The following NUDT16 variants were observed in gnomAD, a reference collection of about 807,000 sequenced individuals.
NUDT16 encodes U8 snoRNA-decapping enzyme.
In NUDT16, 12 loss-of-function variants were observed where a neutral mutation model predicts 11.7. That is an observed-to-expected ratio of 1.03 (90% confidence interval 0.66 to 1.67). NUDT16 has a LOEUF of 1.67. Among genes scored for constraint, NUDT16 ranks in the 40% most tolerant of loss-of-function variants. The probability of loss-of-function intolerance (pLI) is 0.00; values close to 1 mark genes in which losing one functional copy is unlikely to be tolerated. For missense variants in NUDT16, 303 were observed against 268.9 expected (o/e 1.13, Z -0.89); for synonymous variants, 129 against 122.6 (o/e 1.05, Z -0.35).
chr3:131,384,516 T>C lies in NUDT16; in HGVS notation c.*1175T>C, dbSNP rs1179576822. The C allele has an allele frequency of 6.6e-6, 1 of 152,080 alleles. No homozygotes were observed. The highest frequency in any genetic ancestry group is 1.5e-5 in the Non-Finnish European group (1 of 68,060). 9.4% of individuals were successfully genotyped at this position (152,080 alleles called of 1,614,324 possible). On this transcript the variant is annotated 3_prime_UTR_variant, in exon 3 of 3. Coordinates refer to ENST00000521288, the MANE Select transcript of NUDT16 (RefSeq NM_152395.3). The stretch of plus-strand genomic sequence containing the variant: ...TAAGATGGGAGGTAGAGCATGCCAA[T>C]ATTGATGGCAACAGTCAAGATGGTG...
At position 131,387,675 on chromosome 3, in the gene NUDT16, C is replaced by T. The variant is rs1184686022; in HGVS notation, c.*4334C>T. On this transcript the variant is annotated 3_prime_UTR_variant, in exon 3 of 3. Coordinates refer to ENST00000521288, the MANE Select transcript of NUDT16 (RefSeq NM_152395.3). ...GGTTTTCAACAAGTATAGAAAGCTCCTGGACTCAGCCAAGACCCTCACCTA... is the reference window on the plus strand; with the variant it reads ...GGTTTTCAACAAGTATAGAAAGCTCTTGGACTCAGCCAAGACCCTCACCTA... 1 of 152,334 alleles carries T rather than the reference C, an allele frequency of 6.6e-6. No homozygotes were observed. 9.4% of individuals were successfully genotyped at this position (152,334 alleles called of 1,614,324 possible).
At chr3:131,382,748 G>A in intron 2 of NUDT16, 1 of 1,348,536 alleles carries the variant, frequency 7.4e-7, no homozygotes, top group Non-Finnish European at 9.6e-7. Context: ...AGAATCATCG[G>A]GGCGTCTTAT....
chr3:131,383,238 C>A lies in NUDT16; in HGVS notation c.485C>A (p.Ser162Tyr). The A allele has an allele frequency of 6.2e-7, 1 of 1,614,100 alleles. No homozygotes were observed. Among genetic ancestry groups the A allele is most frequent in the South Asian group, 1.1e-5 (1 of 91,074 alleles). The change falls in exon 3 of 3, where the codon TCC (serine) becomes TAC (tyrosine). Residue 162 changes from serine (S) to tyrosine (Y), a missense_variant. Transcript: ENST00000521288. The surrounding 1 kb of genome is among the most constrained non-coding windows in gnomAD (Gnocchi z 4.4). ...GGCCTGCCTACCTTCCTGGAGAATTCCTTTATTGGCTCTGCGCGGGAGCAG... is the reference window on the plus strand; with the variant it reads ...GGCCTGCCTACCTTCCTGGAGAATTACTTTATTGGCTCTGCGCGGGAGCAG... ...VGGLPTFLEN[S>Y]FIGSAREQLL... is the part of the protein sequence containing the mutation.
In NUDT16 at chr3:131,383,606, AC is replaced by A; in HGVS notation, c.*270del. 1.6e-6 allele frequency: 1 copy of A among 632,808 alleles called. No individual in the cohort carries two copies. The highest frequency in any genetic ancestry group is 2.7e-6 in the Non-Finnish European group (1 of 367,726). The allele number at this position is 632,808 out of a possible 1,614,324, so 39.2% of individuals were successfully genotyped here. A position where few individuals can be genotyped will look rare whatever the true frequency, so the allele number is the denominator to read the frequency against. On this transcript the variant is annotated 3_prime_UTR_variant, in exon 3 of 3. Coordinates refer to ENST00000521288, the MANE Select transcript of NUDT16 (RefSeq NM_152395.3). The surrounding 1 kb of genome is among the most constrained non-coding windows in gnomAD (Gnocchi z 4.4). ...CTGTTTATATGCGTACAGCCTGGTA[AC>A]CCCCAGGCATGCAAATATACAATCT... is the stretch of plus-strand genomic sequence containing the variant.
chr3:131,383,271 A>G lies in NUDT16; in HGVS notation c.518A>G (p.Glu173Gly). 6.2e-7 allele frequency: 1 copy of G among 1,614,092 alleles called. No individual in the cohort carries two copies. The highest frequency in any genetic ancestry group is 8.5e-7 in the Non-Finnish European group (1 of 1,179,992). ...FIGSAREQLL[E>G]ALQDLGLLQS... ...GGCTCTGCGCGGGAGCAGTTACTTG[A>G]AGCTCTCCAGGACTTGGGACTGCTG... Residue 173 changes from glutamate to glycine, a missense_variant, in exon 3 of 3, where the codon GAA (glutamate) becomes GGA (glycine). Coordinates refer to ENST00000521288, the MANE Select transcript of NUDT16 (RefSeq NM_152395.3). The surrounding 1 kb of genome is among the most constrained non-coding windows in gnomAD (Gnocchi z 4.4).
chr3:131,387,979 C>T lies in NUDT16; in HGVS notation c.*4638C>T, dbSNP rs13073793. Reference sequence around the variant, plus strand: ...AAGACCATGCTCTGGAAGATTCATTCCAAGGAGTAGAAGTGGTATTTACTC... The same window carrying T: ...AAGACCATGCTCTGGAAGATTCATTTCAAGGAGTAGAAGTGGTATTTACTC... On this transcript the variant is annotated 3_prime_UTR_variant, in exon 3 of 3. Transcript: ENST00000521288. The T allele has an allele frequency of 0.026, 3,982 of 152,192 alleles. 83 individuals are homozygous for T. The highest frequency in any genetic ancestry group is 0.054 in the Middle Eastern group (16 of 294). The allele number at this position is 152,192 out of a possible 1,614,324, so 9.4% of individuals were successfully genotyped here.
At position 131,382,184 on chromosome 3, in the gene NUDT16, A is replaced by C. The variant is rs2097456002; in HGVS notation, c.277A>C (p.Thr93Pro). 6.2e-7 allele frequency: 1 copy of C among 1,612,334 alleles called. No individual in the cohort carries two copies. Among genetic ancestry groups the C allele is most frequent in the Non-Finnish European group, 8.5e-7 (1 of 1,179,536 alleles). ...GGCTGCCGCTTTCCGCGTGGAGCGC[A>C]CTGACTACCGCAGCTCCCACGTCGG... The part of the protein sequence containing the change: ...EAAAAFRVER[T>P]DYRSSHVGSG... Residue 93 changes from threonine (T) to proline (P), a missense_variant, in exon 2 of 3, where the codon ACT (threonine) becomes CCT (proline). Transcript: ENST00000521288.
chr3:131,382,580 T>C lies in NUDT16; in HGVS notation c.408+265T>C, dbSNP rs1370095098. On this transcript the variant is annotated intron_variant, in intron 2 of 2. Coordinates refer to ENST00000521288, the MANE Select transcript of NUDT16 (RefSeq NM_152395.3). Reference sequence around the variant, plus strand: ...ATCCATGTCTCTCTGCTGTTCCCTATTGACAGTGTGATAGATTATCACATT... The same window carrying C: ...ATCCATGTCTCTCTGCTGTTCCCTACTGACAGTGTGATAGATTATCACATT... 3.9e-6 allele frequency: 6 copies of C among 1,528,956 alleles called. No individual in the cohort carries two copies. In the South Asian group the frequency reaches 7.2e-5, roughly 18 times the overall value. 94.7% of individuals were successfully genotyped at this position (1,528,956 alleles called of 1,614,324 possible).
At position 131,382,205 on chromosome 3, in the gene NUDT16, G is replaced by A. The variant is rs749378744; in HGVS notation, c.298G>A (p.Val100Ile). ...GCGCACTGACTACCGCAGCTCCCAC[G>A]TCGGGTCAGGGCCACGCGTTGTGGC... ...VERTDYRSSH[V>I]GSGPRVVAHF... is the part of the protein sequence containing the mutation. The change falls in exon 2 of 3, where the codon GTC (valine) becomes ATC (isoleucine). Residue 100 changes from valine (V) to isoleucine (I), a missense_variant. Transcript: ENST00000521288. 1.2e-6 allele frequency: 2 copies of A among 1,611,024 alleles called. No individual in the cohort carries two copies. Among genetic ancestry groups the A allele is most frequent in the African/African-American group, 2.7e-5 (2 of 74,896 alleles).
rs2097460309 is a variant in NUDT16 at position 131,386,986 on chromosome 3, C to A, written c.*3645C>A. 1 of 152,222 alleles carries A rather than the reference C, an allele frequency of 6.6e-6. No homozygotes were observed. Among genetic ancestry groups the A allele is most frequent in the Non-Finnish European group, 1.5e-5 (1 of 68,036 alleles). The allele number at this position is 152,222 out of a possible 1,614,324, so 9.4% of individuals were successfully genotyped here. On this transcript the variant is annotated 3_prime_UTR_variant, in exon 3 of 3. Transcript: ENST00000521288. Reference sequence around the variant, plus strand: ...GAAACCTTTATCTCCAATAGAATCACAAACGGGTGTCAGAGAGTCAAAACT... The same window carrying A: ...GAAACCTTTATCTCCAATAGAATCAAAAACGGGTGTCAGAGAGTCAAAACT...
Position 131,387,478 on chromosome 3 carries a change from G to C in NUDT16, c.*4137G>C, listed in dbSNP as rs1219927074. ...CTCACCAACAGCTCCCAGATGGAGG[G>C]AGTTTGTGTGTCTAGCATTTTCACC... On this transcript the variant is annotated 3_prime_UTR_variant, in exon 3 of 3. Transcript: ENST00000521288. The C allele has an allele frequency of 6.6e-6, 1 of 152,274 alleles. No homozygotes were observed. Among genetic ancestry groups the C allele is most frequent in the Non-Finnish European group, 1.5e-5 (1 of 68,078 alleles). The allele number at this position is 152,274 out of a possible 1,614,324, so 9.4% of individuals were successfully genotyped here.
Position 131,382,049 on chromosome 3 carries a change from C to A in NUDT16, c.142C>A (p.Gln48Lys). 6.3e-7 allele frequency: 1 copy of A among 1,581,592 alleles called. No individual in the cohort carries two copies. The highest frequency in any genetic ancestry group is 1.8e-5 in the Admixed American group (1 of 56,270). Residue 48 changes from glutamine (Q) to lysine (K), a missense_variant, in exon 2 of 3, where the codon CAG (glutamine) becomes AAG (lysine). By Grantham distance (53) the Gln-to-Lys change is moderately conservative. Coordinates refer to ENST00000521288, the MANE Select transcript of NUDT16 (RefSeq NM_152395.3). Reference protein sequence around the residue: ...RIPLRYAILMQMRFDGRLGFP... With the variant: ...RIPLRYAILMKMRFDGRLGFP... ...TCCCCGCTTCCCCCTCCCGCAGATG[C>A]AGATGCGCTTCGATGGACGCCTGGG...
chr3:131,382,534 G>A, intron 2 of NUDT16: 2 of 1,536,062 alleles, frequency 1.3e-6, no homozygotes, highest in African/African-American at 1.4e-5. Context: ...TACCAGGAGA[G>A]ATCCTTTCTA....
chr3:131,388,383 C>CAA lies in NUDT16; in HGVS notation c.*5043_*5044dup. 6.6e-6 allele frequency: 1 copy of CAA among 152,180 alleles called. No individual in the cohort carries two copies. The highest frequency in any genetic ancestry group is 1.5e-5 in the Non-Finnish European group (1 of 68,032). The allele number at this position is 152,180 out of a possible 1,614,324, so 9.4% of individuals were successfully genotyped here. Reference sequence around the variant, plus strand: ...AACAGGACAAAAACTTCCCTAAACTCAAGATACTACACCAGAAGTGGGCAG... The same window carrying CAA: ...AACAGGACAAAAACTTCCCTAAACTCAAAAGATACTACACCAGAAGTGGGCAG... On this transcript the variant is annotated 3_prime_UTR_variant, in exon 3 of 3. Transcript: ENST00000521288.
Position 131,387,005 on chromosome 3 carries a change from C to T in NUDT16, c.*3664C>T, listed in dbSNP as rs1415274300. On this transcript the variant is annotated 3_prime_UTR_variant, in exon 3 of 3. Coordinates refer to ENST00000521288, the MANE Select transcript of NUDT16 (RefSeq NM_152395.3). The stretch of plus-strand genomic sequence containing the variant: ...GAATCACAAACGGGTGTCAGAGAGT[C>T]AAAACTAGAGGAAAAAGTTTAGTCT... 1 of 152,110 alleles carries T rather than the reference C, an allele frequency of 6.6e-6. No individual in the cohort carries two copies. The highest frequency in any genetic ancestry group is 1.5e-5 in the Non-Finnish European group (1 of 68,040). 9.4% of individuals were successfully genotyped at this position (152,110 alleles called of 1,614,324 possible).
In NUDT16 at chr3:131,385,137, G is replaced by A. The variant is rs1159177475; in HGVS notation, c.*1796G>A. 4 of 152,312 alleles carry A rather than the reference G, an allele frequency of 2.6e-5. No individual in the cohort carries two copies. Among genetic ancestry groups the A allele is most frequent in the Non-Finnish European group, 4.4e-5 (3 of 68,106 alleles). The allele number at this position is 152,312 out of a possible 1,614,324, so 9.4% of individuals were successfully genotyped here. A position where few individuals can be genotyped will look rare whatever the true frequency, so the allele number is the denominator to read the frequency against. ...GACCAAGAAATTGGAATTGAAAACA[G>A]GAGGTGACTAGGGAGGGATTAGGAA... On this transcript the variant is annotated 3_prime_UTR_variant, in exon 3 of 3. Coordinates refer to ENST00000521288, the MANE Select transcript of NUDT16 (RefSeq NM_152395.3).
chr3:131,382,668 C>T, intron 2 of NUDT16: 1 of 1,442,912 alleles, frequency 6.9e-7, no homozygotes, highest in Non-Finnish European at 9.1e-7. Flanking sequence ...GGAGATGTGG[C>T]CCTGATATTT....
Position 131,381,828 on chromosome 3 carries a change from G to T in NUDT16, c.24G>T (p.Glu8Asp), listed in dbSNP as rs773436833. The change falls in exon 1 of 3, where the codon GAG becomes GAT. Residue 8 changes from glutamate (E) to aspartate (D), a missense_variant. Physicochemically the swap from Glu to Asp is conservative, Grantham distance 45. Coordinates refer to ENST00000521288, the MANE Select transcript of NUDT16 (RefSeq NM_152395.3). The part of the protein sequence containing the change: MAGARRL[E>D]LGEALALGSG... ...CCATGGCCGGAGCCCGCAGGCTGGA[G>T]CTAGGCGAGGCCCTGGCGCTGGGGT... 6.3e-7 allele frequency: 1 copy of T among 1,578,358 alleles called. No homozygotes were observed. The highest frequency in any genetic ancestry group is 8.6e-7 in the Non-Finnish European group (1 of 1,168,742).
chr3:131,382,980 A>T (rs2097457048), intron 2 of NUDT16, 182 bp from the exon 3 acceptor site: 1 of 669,080 alleles, frequency 1.5e-6, no homozygotes, highest in South Asian at 2.0e-5. Context: ...ATAGAGCTAG[A>T]TAATATGTTT....
Sources: allele counts gnomAD v4.1 joint callset, GRCh38; gene constraint gnomAD v4.1.1; non-coding constraint Gnocchi (gnomAD v3.1); transcripts MANE v1.5; gene names NCBI Gene and HGNC (gene_info 2026-07-23, HGNC 2026-07-21).